Variants in LRRC4C observed in about 807,000 individuals in gnomAD.
The protein encoded by LRRC4C is leucine rich repeat containing 4C.
Under a neutral mutation model 33.6 loss-of-function variants are expected in LRRC4C, and 5 were observed. The observed-to-expected ratio is 0.15, with a 90% confidence interval of 0.08 to 0.31. The LOEUF (loss-of-function observed/expected upper bound fraction) is 0.31, where lower values mean the gene tolerates loss of function less well. LRRC4C is among the 10% of genes least tolerant of loss of function. The pLI is 1.00. For synonymous variants in LRRC4C, 329 were observed against 302.0 expected (o/e 1.09, Z -0.93); for missense variants, 560 against 796.7 (o/e 0.70, Z 3.58).
intron 3 of LRRC4C, among the ~76,000 whole-genome samples, chr11:40,522,355 G>C (rs1955854804): frequency 6.6e-6 from 1 of 152,148 alleles, no homozygotes; most frequent in African/African-American, 2.4e-5. Context: ...TCTGCAGATG[G>C]ATGGTGGTTA....
At chr11:40,573,341 GT>G (rs1958057234) in intron 3 of LRRC4C, among the ~76,000 whole-genome samples, 1 of 151,884 alleles carries the variant, frequency 6.6e-6, no homozygotes, top group African/African-American at 2.4e-5. Flanking sequence ...CTCTTAATTG[GT>G]TTAGCTTCAT....
At chr11:41,245,575 C>T (rs1591049879) in intron 1 of LRRC4C, among the ~76,000 whole-genome samples, 2 of 152,312 alleles carry the variant, frequency 1.3e-5, no homozygotes, top group East Asian at 3.9e-4. Context: ...CTGACAGGAG[C>T]CCCAAAGAAG....
intron 1 of LRRC4C, among the ~76,000 whole-genome samples, chr11:40,960,665 C>T (rs1207916231): frequency 3.3e-5 from 5 of 151,598 alleles, no homozygotes; most frequent in African/African-American, 1.2e-4. Flanking sequence ...GTCATCCAAG[C>T]CAGATAATTT....
At chr11:40,218,895 G>T (rs917979892) in intron 5 of LRRC4C, among the ~76,000 whole-genome samples, 6 of 152,038 alleles carry the variant, frequency 3.9e-5, no homozygotes, top group African/African-American at 1.4e-4. Flanking sequence ...AAGCCAGATG[G>T]CATCCACTTC....
chr11:41,308,371 C>CT (rs1388413201), intron 1 of LRRC4C, among the ~76,000 whole-genome samples: 1 of 151,924 alleles, frequency 6.6e-6, no homozygotes, highest in Non-Finnish European at 1.5e-5. Flanking sequence ...TTTTGGATAC[C>CT]TTTTCCTAAG....
chr11:41,048,996 T>A (rs1858005106), intron 1 of LRRC4C, among the ~76,000 whole-genome samples: 1 of 152,220 alleles, frequency 6.6e-6, no homozygotes, highest in East Asian at 1.9e-4. Flanking sequence ...TTTGAAGAGT[T>A]AGGCAGGTAC....
At chr11:40,962,915 T>A (rs1851072772) in intron 1 of LRRC4C, among the ~76,000 whole-genome samples, 1 of 151,726 alleles carries the variant, frequency 6.6e-6, no homozygotes, top group Non-Finnish European at 1.5e-5. Context: ...GCAGGAAGAA[T>A]GCCTTATTTG....
intron 3 of LRRC4C, among the ~76,000 whole-genome samples, chr11:40,482,239 T>C (rs1342150406): frequency 1.3e-5 from 2 of 152,052 alleles, no homozygotes; most frequent in Non-Finnish European, 2.9e-5. Context: ...AAAACAAACT[T>C]GCTACTCAGG....
At chr11:40,662,452 A>G (rs1943489902) in intron 2 of LRRC4C, among the ~76,000 whole-genome samples, 2 of 152,194 alleles carry the variant, frequency 1.3e-5, no homozygotes, top group Admixed American at 6.5e-5. Context: ...ACAACCTTGC[A>G]GACCCTTAAA....
intron 3 of LRRC4C, among the ~76,000 whole-genome samples, chr11:40,342,557 A>G (rs528344996): frequency 6.6e-6 from 1 of 152,306 alleles, no homozygotes; most frequent in South Asian, 2.1e-4. Context: ...AAAATAGGTA[A>G]AGAAGATGGA....
At chr11:40,972,962 A>T (rs752788078) in intron 1 of LRRC4C, among the ~76,000 whole-genome samples, 20 of 152,102 alleles carry the variant, frequency 1.3e-4, no homozygotes, top group Non-Finnish European at 2.9e-4. Flanking sequence ...CTCATGTTTA[A>T]CACCATCCCC....
At chr11:41,059,535 T>G (rs1325767820) in intron 1 of LRRC4C, among the ~76,000 whole-genome samples, 1 of 152,166 alleles carries the variant, frequency 6.6e-6, no homozygotes, top group Non-Finnish European at 1.5e-5. Flanking sequence ...TTGTGTCTTT[T>G]TATAGGAGTT....
chr11:41,075,026 T>TATTTA (rs59934043), intron 1 of LRRC4C, among the ~76,000 whole-genome samples: 1 of 93,844 alleles, frequency 1.1e-5, no homozygotes, highest in East Asian at 3.1e-4. Context: ...TTTTTTTTTT[T>TATTTA]TTTTTTTTTT....
At chr11:41,123,611 G>A (rs1034150998) in intron 1 of LRRC4C, among the ~76,000 whole-genome samples, 39 of 151,984 alleles carry the variant, frequency 2.6e-4, no homozygotes, top group Non-Finnish European at 3.7e-4. Context: ...ACTGGTTCTA[G>A]CTTTGTCCTC....
intron 1 of LRRC4C, among the ~76,000 whole-genome samples, chr11:41,295,229 G>C (rs968114884): frequency 1.1e-4 from 16 of 152,104 alleles, no homozygotes; most frequent in African/African-American, 3.9e-4. Context: ...TTTATGGAAA[G>C]GCTGTGACAG....
At chr11:41,407,531 G>T (rs1004520838) in intron 1 of LRRC4C, among the ~76,000 whole-genome samples, 1 of 151,974 alleles carries the variant, frequency 6.6e-6, no homozygotes, top group African/African-American at 2.4e-5. Flanking sequence ...TGAGCTCCTG[G>T]CCTCAAGCAA....
At chr11:40,580,867 G>A (rs1247500322) in intron 3 of LRRC4C, among the ~76,000 whole-genome samples, 2 of 152,210 alleles carry the variant, frequency 1.3e-5, no homozygotes, top group Admixed American at 6.5e-5. Context: ...TTGTTCCAAA[G>A]TAGCTTAAAA....
chr11:41,269,399 C>T (rs11036331), intron 1 of LRRC4C, among the ~76,000 whole-genome samples: 27,804 of 151,736 alleles, frequency 0.18, 3,088 homozygotes, highest in East Asian at 0.43. Context: ...GTTCAAGCCA[C>T]AGAGAGAGGC....
intron 3 of LRRC4C, among the ~76,000 whole-genome samples, chr11:40,388,773 C>T (rs1949215922): frequency 6.6e-6 from 1 of 152,160 alleles, no homozygotes; most frequent in Non-Finnish European, 1.5e-5. Context: ...CACACTGAAT[C>T]AAATGAGACT....
Sources: allele counts gnomAD v4.1 joint callset (sites outside exome capture counted in the v4.1 genomes callset), GRCh38; gene constraint gnomAD v4.1.1; transcripts MANE v1.5; gene names NCBI Gene and HGNC (gene_info 2026-07-23, HGNC 2026-07-21).